The following CNTN6 variants were observed in gnomAD, a reference collection of about 807,000 sequenced individuals.
The protein encoded by CNTN6 is contactin-6.
A neutral mutation model predicts 122.8 loss-of-function variants in CNTN6; 137 were observed. The observed-to-expected ratio is 1.12, with a 90% confidence interval of 0.97 to 1.29. The LOEUF is 1.29. CNTN6 is among the 50% of genes most tolerant of loss of function. The pLI, the probability that CNTN6 is intolerant of heterozygous loss-of-function variation, is 0.00. For missense variants in CNTN6, 1,634 were observed against 1,223.4 expected (o/e 1.34, Z -5.01); for synonymous variants, 570 against 426.0 (o/e 1.34, Z -4.16).
rs1426835497 is a variant in CNTN6 at position 1,228,013 on chromosome 3, TG to T, written c.358+21del. The T allele has an allele frequency of 6.2e-7, 1 of 1,604,748 alleles. No homozygotes were observed. Among genetic ancestry groups the T allele is most frequent in the Non-Finnish European group, 8.5e-7 (1 of 1,173,840 alleles). ...TTGCATGTGAGTTTGGGGTAAATTTTGTAATCTTTGTCTCTGAAAATATAAT... is the reference window on the plus strand; with the variant it reads ...TTGCATGTGAGTTTGGGGTAAATTTTTAATCTTTGTCTCTGAAAATATAAT... On this transcript the variant is annotated intron_variant, in intron 4 of 22. Coordinates refer to ENST00000446702, the MANE Select transcript of CNTN6 (RefSeq NM_001289080.2).
intron 1 of CNTN6, among the ~76,000 whole-genome samples, chr3:1,093,707 A>C (rs2090364059): frequency 6.6e-6 from 1 of 152,162 alleles, no homozygotes. Context: ...CAGCTTCTAG[A>C]TAACAGCCTC....
At chr3:1,266,942 C>T (rs939651001) in intron 4 of CNTN6, among the ~76,000 whole-genome samples, 1 of 149,440 alleles carries the variant, frequency 6.7e-6, no homozygotes, top group African/African-American at 2.5e-5. Context: ...CAGTGGTCAG[C>T]CTGGCCCTTT....
intron 1 of CNTN6, among the ~76,000 whole-genome samples, chr3:1,115,874 T>C (rs904324148): frequency 1.3e-4 from 20 of 152,248 alleles, no homozygotes; most frequent in African/African-American, 4.3e-4. Flanking sequence ...ACAACACTTA[T>C]TACAAGAATT....
intron 1 of CNTN6, among the ~76,000 whole-genome samples, chr3:1,119,418 C>T (rs1407061650): frequency 6.8e-6 from 1 of 146,174 alleles, no homozygotes; most frequent in African/African-American, 2.5e-5. Context: ...CTATGATTAC[C>T]ATATTTTTAT....
rs1328535698 is a variant in CNTN6, at chr3:1,403,496, G to T, written c.*78G>T. 1 of 825,530 alleles carries T rather than the reference G, an allele frequency of 1.2e-6. No homozygotes were observed. Among genetic ancestry groups the T allele is most frequent in the Non-Finnish European group, 2.0e-6 (1 of 508,592 alleles). 51.1% of individuals were successfully genotyped at this position (825,530 alleles called of 1,614,324 possible). A position where few individuals can be genotyped will look rare whatever the true frequency, so the allele number is the denominator to read the frequency against. ...ATATGCTCTCCAGCCTCTGACACAA[G>T]ATGCGTTCTTAATACAGACTTGTTT... On this transcript the variant is annotated 3_prime_UTR_variant, in exon 23 of 23. Transcript: ENST00000446702.
chr3:1,307,319 A>G (rs892285647), intron 7 of CNTN6, among the ~76,000 whole-genome samples: 1 of 152,124 alleles, frequency 6.6e-6, no homozygotes, highest in Non-Finnish European at 1.5e-5. Context: ...ATTTTAGGCT[A>G]TTATTTAAGG....
chr3:1,297,348 C>T (rs1317612549), intron 6 of CNTN6, among the ~76,000 whole-genome samples: 1 of 152,080 alleles, frequency 6.6e-6, no homozygotes, highest in African/African-American at 2.4e-5. Context: ...GTTACAACTC[C>T]TCTGGTAGGC....
intron 1 of CNTN6, among the ~76,000 whole-genome samples, chr3:1,115,737 G>GTGAT (rs2091692448): frequency 6.6e-6 from 1 of 151,630 alleles, no homozygotes; most frequent in South Asian, 2.1e-4. Context: ...GGGCAACAGG[G>GTGAT]TGATACTCTG....
At chr3:1,254,644 A>G (rs2094723660) in intron 4 of CNTN6, among the ~76,000 whole-genome samples, 1 of 152,196 alleles carries the variant, frequency 6.6e-6, no homozygotes, top group Non-Finnish European at 1.5e-5. Context: ...GGGATCACAT[A>G]AATATGTACA....
intron 1 of CNTN6, among the ~76,000 whole-genome samples, chr3:1,124,674 C>T (rs1460265450): frequency 7.2e-6 from 1 of 137,938 alleles, no homozygotes; most frequent in Admixed American, 7.6e-5. Context: ...CCACCTGTAT[C>T]CTAAACATTA....
At chr3:1,125,739 T>C in intron 1 of CNTN6, among the ~76,000 whole-genome samples, 1 of 151,748 alleles carries the variant, frequency 6.6e-6, no homozygotes, top group East Asian at 1.9e-4. Flanking sequence ...TGTGAATTTC[T>C]GTAAATTAAA....
At chr3:1,151,798 G>A (rs1371420171) in intron 2 of CNTN6, among the ~76,000 whole-genome samples, 1 of 152,034 alleles carries the variant, frequency 6.6e-6, no homozygotes. Context: ...TTGGTTTTGA[G>A]GTTGAGTTAG....
At chr3:1,301,523 A>C (rs1224769890) in intron 7 of CNTN6, among the ~76,000 whole-genome samples, 1 of 152,188 alleles carries the variant, frequency 6.6e-6, no homozygotes, top group Non-Finnish European at 1.5e-5. Context: ...ATAATGTTAA[A>C]TGGGAATAGG....
intron 20 of CNTN6, among the ~76,000 whole-genome samples, chr3:1,393,508 G>T (rs1357200682): frequency 7.0e-6 from 1 of 143,326 alleles, no homozygotes; most frequent in Admixed American, 7.2e-5. Flanking sequence ...GTATACATAT[G>T]TAACTAACCT....
chr3:1,245,040 A>G (rs2094541047), intron 4 of CNTN6, among the ~76,000 whole-genome samples: 1 of 149,036 alleles, frequency 6.7e-6, no homozygotes, highest in Non-Finnish European at 1.5e-5. Context: ...CTGGATGTAT[A>G]CGTGCAAGTT....
At chr3:1,271,838 G>A (rs2095032425) in intron 4 of CNTN6, among the ~76,000 whole-genome samples, 1 of 152,102 alleles carries the variant, frequency 6.6e-6, no homozygotes, top group Non-Finnish European at 1.5e-5. Flanking sequence ...TAAGTGGCAA[G>A]GAGACCCCAG....
At chr3:1,154,585 G>A (rs1007665848) in intron 2 of CNTN6, among the ~76,000 whole-genome samples, 4 of 151,538 alleles carry the variant, frequency 2.6e-5, no homozygotes, top group African/African-American at 4.8e-5. Context: ...CTGGGATTAC[G>A]GGCATGCACC....
rs538094890 is a variant in CNTN6, at chr3:1,319,061, T to G, written c.762-2589T>G. ...TAAGACTTTAATGTTGTCACTGAGT[T>G]ATTTTTCTTTGGACAAGGTGGAATT... On this transcript the variant is annotated intron_variant, in intron 7 of 22. Coordinates refer to ENST00000446702, the MANE Select transcript of CNTN6 (RefSeq NM_001289080.2). Among the ~76,000 whole-genome samples the G allele has an allele frequency of 8.8e-4, 134 of 151,840 alleles. 1 individual carries two copies. Among genetic ancestry groups the G allele is most frequent in the Non-Finnish European group, 1.5e-3 (99 of 67,818 alleles).
At chr3:1,381,990 A>C (rs2126176214) in intron 17 of CNTN6, among the ~76,000 whole-genome samples, 1 of 152,138 alleles carries the variant, frequency 6.6e-6, no homozygotes, top group South Asian at 2.1e-4. Flanking sequence ...TGATTGATAG[A>C]ATAAATGGAC....
Sources: allele counts gnomAD v4.1 joint callset (sites outside exome capture counted in the v4.1 genomes callset), GRCh38; gene constraint gnomAD v4.1.1; transcripts MANE v1.5; gene names NCBI Gene and HGNC (gene_info 2026-07-23, HGNC 2026-07-21).